VPS13B: variants seen among roughly 807,000 people sequenced by gnomAD.
VPS13B encodes the protein vacuolar protein sorting 13 homolog B, also known as intermembrane lipid transfer protein VPS13B.
In VPS13B, 285 loss-of-function variants were observed where a neutral mutation model predicts 426.4. That is an observed-to-expected ratio of 0.67 (90% confidence interval 0.61 to 0.74). VPS13B has a LOEUF of 0.74. Ranked by LOEUF, VPS13B falls within the 30% of genes least tolerant of loss-of-function variation. VPS13B has a pLI of 0.00. For synonymous variants in VPS13B, 1,676 were observed against 1,676.4 expected (o/e 1.00, Z 0.01); for missense variants, 4,537 against 4,782.6 (o/e 0.95, Z 1.51).
chr8:99,425,753 A>G (rs1563723237), intron 21 of VPS13B, among the ~76,000 whole-genome samples: 1 of 152,322 alleles, frequency 6.6e-6, no homozygotes, highest in East Asian at 1.9e-4. Context: ...GAAAAGAGGA[A>G]GTCAAATTGT....
intron 39 of VPS13B, among the ~76,000 whole-genome samples, chr8:99,730,559 C>T (rs766936475): frequency 2.0e-5 from 3 of 151,828 alleles, no homozygotes; most frequent in Admixed American, 6.6e-5. Context: ...TAAAAAGAGC[C>T]CTGCCTGAGA....
intron 43 of VPS13B, among the ~76,000 whole-genome samples, chr8:99,793,040 TAA>T (rs34594024): frequency 3.7e-4 from 46 of 123,298 alleles, no homozygotes; most frequent in Admixed American, 4.9e-4. Flanking sequence ...ATCCTGTCTC[TAA>T]AAAAAAAAAA....
intron 32 of VPS13B, among the ~76,000 whole-genome samples, chr8:99,576,824 C>T (rs1350349953): frequency 6.6e-6 from 1 of 152,192 alleles, no homozygotes. Flanking sequence ...AAGTTATGGA[C>T]ATCTACCCAA....
intron 19 of VPS13B, among the ~76,000 whole-genome samples, chr8:99,284,906 T>C (rs1186845302): frequency 6.6e-6 from 1 of 152,232 alleles, no homozygotes; most frequent in Non-Finnish European, 1.5e-5. Flanking sequence ...CTTATCTGCT[T>C]ACTAAGATTG....
At chr8:99,384,419 C>A in intron 20 of VPS13B, 102 bp downstream of exon 20, 2 of 981,942 alleles carry the variant, frequency 2.0e-6, no homozygotes, top group Non-Finnish European at 3.1e-6. Context: ...AACAAATGTA[C>A]TAGATTTCCT....
intron 19 of VPS13B, among the ~76,000 whole-genome samples, chr8:99,298,602 T>C (rs576278185): frequency 6.6e-6 from 1 of 152,336 alleles, no homozygotes; most frequent in South Asian, 2.1e-4. Context: ...ATTCACTCAA[T>C]GACATGTAAG....
intron 35 of VPS13B, chr8:99,696,859 G>A: frequency 1.1e-6 from 1 of 886,918 alleles, no homozygotes; most frequent in Non-Finnish European, 1.9e-6. Flanking sequence ...TGCTGGAGCT[G>A]CAGTCCATCG....
intron 43 of VPS13B, among the ~76,000 whole-genome samples, chr8:99,802,877 TGAA>T (rs1563923593): frequency 6.6e-6 from 1 of 152,218 alleles, no homozygotes. Flanking sequence ...ACTCTGGCCC[TGAA>T]GAAATCACTC....
chr8:99,710,630 A>G (rs1832672575), intron 36 of VPS13B, among the ~76,000 whole-genome samples: 1 of 44,204 alleles, frequency 2.3e-5, no homozygotes, highest in Non-Finnish European at 4.2e-5. Context: ...GTAAAAGTGT[A>G]TAATTTGGTT....
chr8:99,173,107 A>C (rs1291001398), intron 16 of VPS13B, among the ~76,000 whole-genome samples: 6 of 152,134 alleles, frequency 3.9e-5, no homozygotes, highest in Non-Finnish European at 8.8e-5. Context: ...CTAAGTTCCC[A>C]TTTTTTACTT....
intron 31 of VPS13B, among the ~76,000 whole-genome samples, chr8:99,565,191 TAA>T (rs1354669785): frequency 2.0e-5 from 3 of 152,202 alleles, no homozygotes; most frequent in African/African-American, 7.2e-5. Flanking sequence ...AAAGTACACT[TAA>T]AAGTAAATAA....
chr8:99,232,032 G>A (rs1259894975), intron 17 of VPS13B, among the ~76,000 whole-genome samples: 1 of 152,098 alleles, frequency 6.6e-6, no homozygotes, highest in African/African-American at 2.4e-5. Context: ...GTAACCAAGC[G>A]TAAGTTGAGG....
chr8:99,733,366 C>T (rs923846784), intron 39 of VPS13B, among the ~76,000 whole-genome samples: 4 of 152,144 alleles, frequency 2.6e-5, no homozygotes, highest in Non-Finnish European at 4.4e-5. Context: ...CTGGTGATCT[C>T]GGGCAAGTTA....
At chr8:99,870,582 T>C (rs531196289) in intron 59 of VPS13B, among the ~76,000 whole-genome samples, 2 of 152,148 alleles carry the variant, frequency 1.3e-5, no homozygotes, top group Non-Finnish European at 2.9e-5. Flanking sequence ...CACATTCATA[T>C]TTTAGTTTGT....
At chr8:99,559,549 T>G (rs894226073) in intron 31 of VPS13B, among the ~76,000 whole-genome samples, 5 of 152,156 alleles carry the variant, frequency 3.3e-5, no homozygotes, top group African/African-American at 9.7e-5. Context: ...GGTCTAACAT[T>G]TAAGTCTTTA....
At chr8:99,035,498 G>T (rs1480517056) in intron 2 of VPS13B, among the ~76,000 whole-genome samples, 1 of 152,162 alleles carries the variant, frequency 6.6e-6, no homozygotes, top group East Asian at 1.9e-4. Flanking sequence ...TATATTATGG[G>T]ATTGGCTTAT....
intron 22 of VPS13B, among the ~76,000 whole-genome samples, chr8:99,439,508 A>G (rs909401752): frequency 8.5e-5 from 13 of 152,106 alleles, no homozygotes; most frequent in Non-Finnish European, 1.5e-4. Context: ...GCAACATACA[A>G]TGTTCCTTTA....
At chr8:99,542,604 A>C (rs944566091) in intron 30 of VPS13B, among the ~76,000 whole-genome samples, 2 of 152,220 alleles carry the variant, frequency 1.3e-5, no homozygotes, top group Non-Finnish European at 2.9e-5. Flanking sequence ...AGACTGTGGC[A>C]GCTTTGAATT....
At chr8:99,734,082 G>A (rs976455716) in intron 39 of VPS13B, among the ~76,000 whole-genome samples, 1 of 152,100 alleles carries the variant, frequency 6.6e-6, no homozygotes, top group African/African-American at 2.4e-5. Flanking sequence ...CTATATATCT[G>A]CCTATTCTGG....
Sources: allele counts gnomAD v4.1 joint callset (sites outside exome capture counted in the v4.1 genomes callset), GRCh38; gene constraint gnomAD v4.1.1; transcripts MANE v1.5; gene names NCBI Gene and HGNC (gene_info 2026-07-23, HGNC 2026-07-21).